CNPY2: variants seen among roughly 807,000 people sequenced by gnomAD.
CNPY2 encodes canopy FGF signaling regulator 2, also known as protein canopy homolog 2.
In CNPY2, 19 loss-of-function variants were observed where a neutral mutation model predicts 25.5. The ratio of observed to expected loss-of-function variants is 0.74; its 90% confidence interval spans 0.52 to 1.09. CNPY2 has a LOEUF of 1.09. CNPY2 is among the 50% of genes least tolerant of loss of function. The pLI, the probability that CNPY2 is intolerant of heterozygous loss-of-function variation, is 0.00. For missense variants in CNPY2, 214 were observed against 233.6 expected, an observed-to-expected ratio of 0.92 and a Z score of 0.55; for synonymous variants, 82 against 85.0, an observed-to-expected ratio of 0.96 and a Z score of 0.19.
chr12:56,311,340 C>T lies in CNPY2; in HGVS notation c.279G>A (p.Gly93=), dbSNP rs758429591. 2.4e-5 allele frequency: 39 copies of T among 1,614,022 alleles called. No homozygotes were observed. The highest frequency in any genetic ancestry group is 3.1e-5 in the Non-Finnish European group (36 of 1,180,030). The change falls in exon 4 of 6, where the codon GGG becomes GGA. Residue 93 remains glycine (G), a synonymous_variant. Coordinates refer to ENST00000273308, the MANE Select transcript of CNPY2 (RefSeq NM_014255.7). ...GATGGGTGGAAGGATCAATCTGTTC[C>T]CCATACTCCTTCATCCGGTCACATA... ...EEICDRMKEY[G]EQIDPSTHRK... is the part of the protein sequence containing the mutation.
rs748749230 is a variant in CNPY2 at position 56,311,287 on chromosome 12, C to T, written c.332G>A (p.Arg111Gln). The T allele has an allele frequency of 2.4e-5, 39 of 1,614,046 alleles. No individual in the cohort carries two copies. Among genetic ancestry groups the T allele is most frequent in the Admixed American group, 1.5e-4 (9 of 59,990 alleles). ...HRKNYVRVVG[R>Q]NGESSELDLQ... ...GTCCAGTTCACTGGATTCTCCATTCCGGCCCACTACACGTACGTAGTTCTT... is the reference window on the plus strand; with the variant it reads ...GTCCAGTTCACTGGATTCTCCATTCTGGCCCACTACACGTACGTAGTTCTT... The change falls in exon 4 of 6, where the codon CGG (arginine) becomes CAG (glutamine). Residue 111 changes from arginine to glutamine, a missense_variant. Arg to Gln is a conservative substitution (Grantham distance 43). Coordinates refer to ENST00000273308, the MANE Select transcript of CNPY2 (RefSeq NM_014255.7).
chr12:56,315,305 C>T, intron 1 of CNPY2, 63 bp from the exon 2 acceptor site: 1 of 911,940 alleles, frequency 1.1e-6, no homozygotes, highest in Non-Finnish European at 1.7e-6. Context: ...CCTGACCCCC[C>T]CAATCCTCAC....
chr12:56,314,069 T>C (rs1873804052), intron 3 of CNPY2, among the ~76,000 whole-genome samples: 1 of 151,848 alleles, frequency 6.6e-6, no homozygotes, highest in Non-Finnish European at 1.5e-5. Flanking sequence ...GCCTGGCTAC[T>C]TTTTTGTATT....
chr12:56,315,462 C>A (rs1350356820), intron 1 of CNPY2, among the ~76,000 whole-genome samples: 1 of 152,248 alleles, frequency 6.6e-6, no homozygotes, highest in Non-Finnish European at 1.5e-5. Context: ...ACTTGCGGCT[C>A]AGCCCCAGAC....
chr12:56,312,742 T>G (rs1873759713), intron 3 of CNPY2: 1 of 151,936 alleles, frequency 6.6e-6, no homozygotes, highest in Non-Finnish European at 1.5e-5. Flanking sequence ...CAGCTAATTT[T>G]GTATTTTTAG....
In CNPY2 at chr12:56,314,901, G is replaced by C; in HGVS notation, c.154C>G (p.Gln52Glu). 6.2e-7 allele frequency: 1 copy of C among 1,614,230 alleles called. No individual in the cohort carries two copies. The highest frequency in any genetic ancestry group is 8.5e-7 in the Non-Finnish European group (1 of 1,180,046). ...GGATTGATCCGGAAAGATCCCATCT[G>C]AATGGTCTTCTTGGGGTCCACCTGG... ...IAQVDPKKTI[Q>E]MGSFRINPDG... The change falls in exon 3 of 6, where the codon CAG (glutamine) becomes GAG (glutamate). Residue 52 changes from glutamine to glutamate, a missense_variant. Transcript: ENST00000273308.
At position 56,315,259 on chromosome 12, in the gene CNPY2, A is replaced by G; in HGVS notation, c.-25-17T>C. On this transcript the variant is annotated splice_polypyrimidine_tract_variant and intron_variant, in intron 1 of 5. Coordinates refer to ENST00000273308, the MANE Select transcript of CNPY2 (RefSeq NM_014255.7). ...TCGCTCCACCTGGGTTTGAGTGGGA[A>G]TAAAACATAAGTGTGAGGAGCCGAC... The G allele has an allele frequency of 6.6e-7, 1 of 1,507,798 alleles. No individual in the cohort carries two copies. Among genetic ancestry groups the G allele is most frequent in the African/African-American group, 1.4e-5 (1 of 72,594 alleles). The allele number at this position is 1,507,798 out of a possible 1,614,324, so 93.4% of individuals were successfully genotyped here. A position where few individuals can be genotyped will look rare whatever the true frequency, so the allele number is the denominator to read the frequency against.
chr12:56,314,880 T>C lies in CNPY2; in HGVS notation c.175A>G (p.Asn59Asp). Reference protein sequence around the residue: ...KTIQMGSFRINPDGSQSVVEV... With the variant: ...KTIQMGSFRIDPDGSQSVVEV... ...ACCACTGACTGGCTGCCATCTGGAT[T>C]GATCCGGAAAGATCCCATCTGAATG... The change falls in exon 3 of 6, where the codon AAT becomes GAT. Residue 59 changes from asparagine (N) to aspartate (D), a missense_variant. Transcript: ENST00000273308. The C allele has an allele frequency of 6.2e-7, 1 of 1,614,246 alleles. No individual in the cohort carries two copies. The highest frequency in any genetic ancestry group is 8.5e-7 in the Non-Finnish European group (1 of 1,180,054).
chr12:56,312,417 T>C (rs1873748562), intron 3 of CNPY2: 2 of 152,170 alleles, frequency 1.3e-5, no homozygotes, highest in Admixed American at 1.3e-4. Context: ...AGACGGGGTC[T>C]TGCCATGTTG....
At chr12:56,311,739 AT>A in intron 3 of CNPY2, 1 of 364,658 alleles carries the variant, frequency 2.7e-6, no homozygotes, top group South Asian at 2.2e-5. Flanking sequence ...TTTAGTAGAG[AT>A]GGGGTTTCTC....
intron 3 of CNPY2, among the ~76,000 whole-genome samples, chr12:56,313,905 CTTT>C (rs35063385): frequency 7.1e-6 from 1 of 141,590 alleles, no homozygotes; most frequent in East Asian, 2.1e-4. Flanking sequence ...CGCGCCCGGC[CTTT>C]TTTTTTTTTC....
chr12:56,312,307 AC>A (rs1873745591), intron 3 of CNPY2: 1 of 144,064 alleles, frequency 6.9e-6, no homozygotes, highest in Non-Finnish European at 1.5e-5. Flanking sequence ...ACTGAGGCTC[AC>A]TACAGCTTGG....
chr12:56,309,848 GATAGATACA>G lies in CNPY2; in HGVS notation c.*695_*703del, dbSNP rs148678705. On this transcript the variant is annotated 3_prime_UTR_variant, in exon 6 of 6. Transcript: ENST00000273308. ...ATAGTCCAGATTGACAATGGCTAGT[GATAGATACA>G]CTTTATTGTTGCCACTGGCATCAAA... 1.1e-3 allele frequency: 775 copies of G among 699,850 alleles called. 2 individuals carry two copies. The highest frequency in any genetic ancestry group is 1.7e-3 in the Non-Finnish European group (661 of 383,682). 43.4% of individuals were successfully genotyped at this position (699,850 alleles called of 1,614,324 possible).
intron 3 of CNPY2, chr12:56,311,796 C>A (rs1873725088): frequency 6.6e-6 from 2 of 302,818 alleles, no homozygotes; most frequent in Non-Finnish European, 1.3e-5. Flanking sequence ...AGGTGATCTG[C>A]CTGCCTCGGC....
In CNPY2 at chr12:56,310,400, C is replaced by T; in HGVS notation, c.*152G>A. 1 of 722,322 alleles carries T rather than the reference C, an allele frequency of 1.4e-6. No homozygotes were observed. 44.7% of individuals were successfully genotyped at this position (722,322 alleles called of 1,614,324 possible). A position where few individuals can be genotyped will look rare whatever the true frequency, so the allele number is the denominator to read the frequency against. On this transcript the variant is annotated 3_prime_UTR_variant, in exon 6 of 6. Transcript: ENST00000273308. Reference sequence around the variant, plus strand: ...CTTATCTTCAAGCTTAATGTAAGGGCAATTCCAGGCATGAAAAGACAACAC... The same window carrying T: ...CTTATCTTCAAGCTTAATGTAAGGGTAATTCCAGGCATGAAAAGACAACAC...
chr12:56,315,714 T>A (rs1873904630), intron 1 of CNPY2, 107 bp downstream of exon 1: 1 of 162,976 alleles, frequency 6.1e-6, no homozygotes, highest in Non-Finnish European at 1.4e-5. Context: ...CGTAAGTGAT[T>A]ACCCGTACGG....
intron 3 of CNPY2, chr12:56,314,523 T>A (rs993294166): frequency 6.0e-6 from 7 of 1,169,306 alleles, no homozygotes; most frequent in Non-Finnish European, 7.4e-6. Context: ...CATTTTTTAT[T>A]TTTAGCTCCG....
chr12:56,314,445 G>A (rs1055736612), intron 3 of CNPY2: 109 of 1,102,646 alleles, frequency 9.9e-5, no homozygotes, highest in Non-Finnish European at 1.2e-4. Flanking sequence ...TTGTGTACAT[G>A]TGTGTTGTTT....
At chr12:56,312,959 T>C (rs1873764551) in intron 3 of CNPY2, 1 of 152,254 alleles carries the variant, frequency 6.6e-6, no homozygotes, top group Non-Finnish European at 1.5e-5. Context: ...CAACTTATAC[T>C]TCTAATTTCT....
Sources: gnomAD v4.1 joint callset for allele counts (sites outside exome capture counted in the v4.1 genomes callset) on GRCh38, gnomAD v4.1.1 for gene constraint, MANE v1.5 for transcripts, NCBI Gene and HGNC (gene_info 2026-07-23, HGNC 2026-07-21) for gene names.